RANBP9: variants seen among roughly 807,000 people sequenced by gnomAD.
RANBP9 encodes the protein RAN binding protein 9, also known as ran-binding protein 9.
In RANBP9, 15 loss-of-function variants were observed where a neutral mutation model predicts 84.3. The ratio of observed to expected loss-of-function variants is 0.18; its 90% CI spans 0.12 to 0.27. The LOEUF (loss-of-function observed/expected upper bound fraction) is 0.27. Among genes scored for constraint, RANBP9 ranks in the 10% least tolerant of loss-of-function variants. The pLI, the probability that RANBP9 is intolerant of heterozygous loss-of-function variation, is 1.00. For synonymous variants in RANBP9, 392 were observed against 349.6 expected (o/e 1.12, Z -1.35); for missense variants, 809 against 912.8 (o/e 0.89, Z 1.46).
At chr6:13,643,841 C>T (rs773988120) in intron 6 of RANBP9, among the ~76,000 whole-genome samples, 6 of 152,120 alleles carry the variant, frequency 3.9e-5, no homozygotes, top group Non-Finnish European at 5.9e-5. Context: ...ATAATAGCTC[C>T]AGGGACGAAG....
At chr6:13,657,327 A>G (rs1765423107) in intron 3 of RANBP9, 51 bp from the exon 4 acceptor site, 1 of 1,483,518 alleles carries the variant, frequency 6.7e-7, no homozygotes, top group Non-Finnish European at 9.3e-7. Context: ...GTTCCTCTGT[A>G]CTAGGTTTAT....
chr6:13,684,095 T>TA (rs1366819424), intron 2 of RANBP9, among the ~76,000 whole-genome samples: 3 of 152,158 alleles, frequency 2.0e-5, no homozygotes, highest in African/African-American at 7.2e-5. Flanking sequence ...GCTAGGGGAT[T>TA]ACAAAAGAAA....
intron 1 of RANBP9, among the ~76,000 whole-genome samples, chr6:13,699,126 AAT>A (rs1757909516): frequency 6.6e-6 from 1 of 152,340 alleles, no homozygotes; most frequent in African/African-American, 2.4e-5. Context: ...CAGAAAAAAA[AAT>A]AAAATGTTTA....
At position 13,666,600 on chromosome 6, in the gene RANBP9, C is replaced by CA. The variant is rs70989878; in HGVS notation, c.684-7769dup. ...AGACCAGCCTGGGACCCCGTCTCTCCAAAAAAAAAAAAAAAAAAAAAAAAA... is the reference window on the plus strand; with the variant it reads ...AGACCAGCCTGGGACCCCGTCTCTCCAAAAAAAAAAAAAAAAAAAAAAAAAA... On this transcript the variant is annotated intron_variant, in intron 2 of 13. Transcript: ENST00000011619. Among the ~76,000 whole-genome samples the CA allele has an allele frequency of 8.2e-3, 357 of 43,694 alleles. 13 individuals carry two copies. Among genetic ancestry groups the CA allele is most frequent in the African/African-American group, 0.01 (132 of 13,092 alleles). 28.7% of individuals were successfully genotyped at this position (43,694 alleles called of 152,430 possible).
intron 2 of RANBP9, among the ~76,000 whole-genome samples, chr6:13,677,150 C>T (rs900293227): frequency 6.6e-6 from 1 of 152,028 alleles, no homozygotes; most frequent in Non-Finnish European, 1.5e-5. Context: ...AAAAAATAAG[C>T]AATCATAGCA....
At chr6:13,668,588 T>C (rs1356540975) in intron 2 of RANBP9, among the ~76,000 whole-genome samples, 1 of 152,012 alleles carries the variant, frequency 6.6e-6, no homozygotes, top group Non-Finnish European at 1.5e-5. Context: ...ATCAATGTAA[T>C]ATATTAAGAA....
intron 2 of RANBP9, among the ~76,000 whole-genome samples, chr6:13,662,695 G>C (rs1190481082): frequency 6.6e-6 from 1 of 152,126 alleles, no homozygotes; most frequent in Non-Finnish European, 1.5e-5. Context: ...TTAAACTTGG[G>C]CTTTCAAGCC....
At chr6:13,659,447 T>C (rs1218403365) in intron 2 of RANBP9, among the ~76,000 whole-genome samples, 3 of 152,174 alleles carry the variant, frequency 2.0e-5, no homozygotes, top group Admixed American at 2.0e-4. Flanking sequence ...ATTATCAATT[T>C]ATAAAGTTAG....
chr6:13,642,025 T>C (rs946676254), intron 7 of RANBP9, among the ~76,000 whole-genome samples: 45 of 152,326 alleles, frequency 3.0e-4, no homozygotes, highest in Middle Eastern at 6.8e-3. Flanking sequence ...ATACAGGACC[T>C]GTTTTATCTC....
intron 10 of RANBP9, among the ~76,000 whole-genome samples, chr6:13,637,560 C>T (rs1226129523): frequency 2.6e-5 from 4 of 152,054 alleles, no homozygotes; most frequent in Non-Finnish European, 5.9e-5. Flanking sequence ...TGAATTTGTC[C>T]TTATAACTTT....
intron 8 of RANBP9, 152 bp downstream of exon 8, chr6:13,641,047 A>G (rs1208783334): frequency 8.8e-6 from 4 of 456,832 alleles, no homozygotes; most frequent in Middle Eastern, 5.8e-4. Flanking sequence ...AGTATTTTTC[A>G]TAACATGTTG....
chr6:13,641,252 T>C lies in RANBP9; in HGVS notation c.1281A>G (p.Gln427=), dbSNP rs1339386775. The C allele has an allele frequency of 1.2e-6, 2 of 1,604,478 alleles. No homozygotes were observed. ...GRMGEAIETT[Q]QLYPSLLERN... Reference sequence around the variant, plus strand: ...TTTCAAGTAAACTTGGGTATAACTGTTGTGTTGTTTCAATGGCTTCTCCCA... The same window carrying C: ...TTTCAAGTAAACTTGGGTATAACTGCTGTGTTGTTTCAATGGCTTCTCCCA... Residue 427 remains glutamine (Q), a synonymous_variant, in exon 8 of 14, where the codon CAA becomes CAG. Coordinates refer to ENST00000011619, the MANE Select transcript of RANBP9 (RefSeq NM_005493.3).
At chr6:13,627,228 C>A (rs1333728097) in intron 12 of RANBP9, among the ~76,000 whole-genome samples, 1 of 152,180 alleles carries the variant, frequency 6.6e-6, no homozygotes, top group Non-Finnish European at 1.5e-5. Context: ...ATGCATCCCA[C>A]AAAGCTACTT....
intron 1 of RANBP9, among the ~76,000 whole-genome samples, chr6:13,707,439 T>C (rs1002400879): frequency 6.6e-6 from 1 of 152,192 alleles, no homozygotes; most frequent in Non-Finnish European, 1.5e-5. Context: ...TGTGTTCCAG[T>C]TACCTTTTTC....
In RANBP9 at chr6:13,639,574, G is replaced by A. The variant is rs1473909184; in HGVS notation, c.1514C>T (p.Ala505Val). The change falls in exon 9 of 14, where the codon GCA becomes GTA. Residue 505 changes from alanine (A) to valine (V), a missense_variant. By Grantham distance (64) the Ala-to-Val change is moderately conservative. Around this residue, in one of 5 missense-constraint regions of RANBP9, gnomAD observed 216 missense variants for 329.0 expected, o/e 0.66. Coordinates refer to ENST00000011619, the MANE Select transcript of RANBP9 (RefSeq NM_005493.3). ...HNLASGKGST[A>V]HFSGFESCSN... ...AAGTTAAATCTCACCTGAAAAATGTGCGGTGCTTCCTTTGCCTGATGCTAA... is the reference window on the plus strand; with the variant it reads ...AAGTTAAATCTCACCTGAAAAATGTACGGTGCTTCCTTTGCCTGATGCTAA... The A allele has an allele frequency of 1.9e-6, 3 of 1,604,604 alleles. No homozygotes were observed. The highest frequency in any genetic ancestry group is 2.6e-6 in the Non-Finnish European group (3 of 1,171,564).
chr6:13,658,102 A>G (rs1228476766), intron 3 of RANBP9, among the ~76,000 whole-genome samples: 3 of 152,134 alleles, frequency 2.0e-5, no homozygotes, highest in Admixed American at 1.3e-4. Flanking sequence ...TCTCTTCCTT[A>G]GTTTACTTTA....
intron 2 of RANBP9, among the ~76,000 whole-genome samples, chr6:13,679,895 A>T (rs1019490847): frequency 1.8e-4 from 28 of 152,212 alleles, no homozygotes; most frequent in African/African-American, 6.3e-4. Context: ...ACTTGTTCAC[A>T]GGAAGTCTCC....
At chr6:13,690,869 A>G (rs1314494983) in intron 2 of RANBP9, among the ~76,000 whole-genome samples, 2 of 152,120 alleles carry the variant, frequency 1.3e-5, no homozygotes, top group Non-Finnish European at 2.9e-5. Flanking sequence ...TATATGCCCT[A>G]AAGAAGTTAT....
intron 12 of RANBP9, among the ~76,000 whole-genome samples, chr6:13,626,484 T>TG (rs1309857500): frequency 6.6e-6 from 1 of 152,220 alleles, no homozygotes; most frequent in Non-Finnish European, 1.5e-5. Context: ...TACTGCATAA[T>TG]GGGGACTATA....
Sources: allele counts gnomAD v4.1 joint callset (sites outside exome capture counted in the v4.1 genomes callset), GRCh38; gene constraint gnomAD v4.1.1; regional missense constraint gnomAD v4.1.1; transcripts MANE v1.5; gene names NCBI Gene and HGNC (gene_info 2026-07-23, HGNC 2026-07-21).